The following ALG5 variants were observed in gnomAD, a reference collection of about 807,000 sequenced individuals.
ALG5 encodes dolichyl-phosphate beta-glucosyltransferase.
In ALG5, 26 loss-of-function variants were observed where a neutral mutation model predicts 51.8. The observed-to-expected ratio is 0.50, with a 90% confidence interval of 0.37 to 0.70. The LOEUF (loss-of-function observed/expected upper bound fraction) is 0.70, where lower values mean the gene tolerates loss of function less well. Ranked by LOEUF, ALG5 falls within the 30% of genes least tolerant of loss-of-function variation. The probability of loss-of-function intolerance (pLI) is 0.00; values close to 1 mark genes in which losing one functional copy is unlikely to be tolerated. For synonymous variants in ALG5, 141 were observed against 136.1 expected (o/e 1.04, Z -0.25); for missense variants, 311 against 399.3 (o/e 0.78, Z 1.88).
chr13:36,996,990 A>G (rs982931382), intron 1 of ALG5, among the ~76,000 whole-genome samples: 5 of 152,238 alleles, frequency 3.3e-5, no homozygotes, highest in Admixed American at 2.0e-4. Context: ...CACAAGAGAA[A>G]GGAAGAAGCA....
intron 6 of ALG5, among the ~76,000 whole-genome samples, chr13:36,976,316 A>T (rs1479171147): frequency 6.7e-6 from 1 of 149,690 alleles, no homozygotes; most frequent in African/African-American, 2.5e-5. Context: ...AATCCCAGCT[A>T]CTCAGGAGGC....
At position 36,949,868 on chromosome 13, in the gene ALG5, C is replaced by T. The variant is rs1001000911; in HGVS notation, c.*74G>A. 1.6e-5 allele frequency: 14 copies of T among 870,834 alleles called. No individual in the cohort carries two copies. The African/African-American group carries it at 2.2e-4, about 14-fold the overall frequency. 53.9% of individuals were successfully genotyped at this position (870,834 alleles called of 1,614,324 possible). A position where few individuals can be genotyped will look rare whatever the true frequency, so the allele number is the denominator to read the frequency against. On this transcript the variant is annotated 3_prime_UTR_variant, in exon 10 of 10. Transcript: ENST00000239891. The stretch of plus-strand genomic sequence containing the variant: ...TGACAAGAAGTTTATTTCAGCTTTA[C>T]TTAAAATTTTAGTTTCAAATGAAAT...
chr13:36,968,700 C>T (rs1008571661), intron 7 of ALG5, among the ~76,000 whole-genome samples: 3 of 152,200 alleles, frequency 2.0e-5, no homozygotes, highest in Non-Finnish European at 4.4e-5. Flanking sequence ...TTGTCATTTG[C>T]TATCTTGATT....
intron 8 of ALG5, among the ~76,000 whole-genome samples, chr13:36,955,380 G>A (rs1442538117): frequency 6.6e-6 from 1 of 152,000 alleles, no homozygotes; most frequent in Non-Finnish European, 1.5e-5. Flanking sequence ...AGAGGCAACA[G>A]AAACAATGCA....
intron 1 of ALG5, among the ~76,000 whole-genome samples, chr13:36,998,444 G>A (rs1405257169): frequency 1.3e-5 from 2 of 152,186 alleles, no homozygotes; most frequent in Non-Finnish European, 1.5e-5. Flanking sequence ...TGAATGTCAA[G>A]GAAGCTGAAA....
chr13:36,992,546 G>A (rs2059030247), intron 4 of ALG5, among the ~76,000 whole-genome samples: 1 of 152,200 alleles, frequency 6.6e-6, no homozygotes, highest in South Asian at 2.1e-4. Flanking sequence ...GCACAATGAA[G>A]CTTTACAGCA....
intron 9 of ALG5, 146 bp downstream of exon 9, chr13:36,952,368 C>T (rs1385522622): frequency 1.6e-6 from 1 of 619,960 alleles, no homozygotes; most frequent in African/African-American, 2.0e-5. Flanking sequence ...TTAGTAGGTA[C>T]TATTCTCCTT....
At position 36,981,083 on chromosome 13, in the gene ALG5, AC is replaced by A. The variant is rs775522436; in HGVS notation, c.561+4543del. Among the ~76,000 whole-genome samples the A allele has an allele frequency of 2.6e-5, 4 of 152,234 alleles. No individual in the cohort carries two copies. The East Asian group carries it at 7.7e-4, about 29-fold the overall frequency. On this transcript the variant is annotated intron_variant, in intron 6 of 9. Transcript: ENST00000239891. ...TTAAATTATATACATGTAGTTTAAA[AC>A]CTTACAGGAGCACTTATTATCAGAA...
chr13:36,969,901 A>G (rs2058913773), intron 7 of ALG5, among the ~76,000 whole-genome samples: 1 of 151,998 alleles, frequency 6.6e-6, no homozygotes, highest in African/African-American at 2.4e-5. Context: ...ACAACCTAAT[A>G]TTTCAGGTTT....
chr13:36,969,943 A>T (rs117086644), intron 7 of ALG5, among the ~76,000 whole-genome samples: 1 of 151,984 alleles, frequency 6.6e-6, no homozygotes, highest in Non-Finnish European at 1.5e-5. Context: ...CTCCATTATC[A>T]TCAGCTTTAC....
chr13:36,971,612 G>GCAC (rs1365298988), intron 7 of ALG5, among the ~76,000 whole-genome samples: 1 of 117,120 alleles, frequency 8.5e-6, no homozygotes, highest in Non-Finnish European at 1.6e-5. Flanking sequence ...TCGCACCACT[G>GCAC]CACTCCAGCC....
chr13:36,956,079 G>A (rs1228797827), intron 8 of ALG5, among the ~76,000 whole-genome samples: 2 of 152,050 alleles, frequency 1.3e-5, no homozygotes, highest in African/African-American at 2.4e-5. Context: ...CTATGGATTG[G>A]GAGAAAATAT....
intron 6 of ALG5, among the ~76,000 whole-genome samples, chr13:36,979,960 T>C (rs1325402896): frequency 6.6e-6 from 1 of 152,120 alleles, no homozygotes; most frequent in Non-Finnish European, 1.5e-5. Flanking sequence ...CACATGAGAT[T>C]TGCTTGAACC....
chr13:36,987,911 A>G (rs2059009066), intron 5 of ALG5, among the ~76,000 whole-genome samples: 1 of 152,172 alleles, frequency 6.6e-6, no homozygotes, highest in South Asian at 2.1e-4. Context: ...TAAAAAATGT[A>G]AAAGCCCCTC....
intron 4 of ALG5, among the ~76,000 whole-genome samples, chr13:36,993,126 G>C (rs1366506517): frequency 6.6e-6 from 1 of 152,168 alleles, no homozygotes; most frequent in Non-Finnish European, 1.5e-5. Flanking sequence ...GAGATGGCTT[G>C]TGTTCATAAC....
intron 5 of ALG5, among the ~76,000 whole-genome samples, chr13:36,988,856 A>G (rs918849730): frequency 1.3e-5 from 2 of 152,168 alleles, no homozygotes; most frequent in African/African-American, 4.8e-5. Context: ...GCCCACCTTT[A>G]GACTTCTTTT....
At chr13:36,982,488 G>T (rs2058984421) in intron 6 of ALG5, among the ~76,000 whole-genome samples, 1 of 152,216 alleles carries the variant, frequency 6.6e-6, no homozygotes, top group South Asian at 2.1e-4. Flanking sequence ...AATAAAGGAT[G>T]TATTTTATCT....
chr13:36,951,366 G>A lies in ALG5; in HGVS notation c.859+1148C>T, dbSNP rs925331926. Among the ~76,000 whole-genome samples, 16 of 152,150 alleles carry A rather than the reference G, an allele frequency of 1.1e-4. 1 individual carries two copies. Among genetic ancestry groups the A allele is most frequent in the African/African-American group, 3.9e-4 (16 of 41,438 alleles). ...AGCTAAGATTTTGTAAACTCAGTTT[G>A]ATTCAGCAAGATGTAAAGAGGTTTG... is the stretch of plus-strand genomic sequence containing the variant. On this transcript the variant is annotated intron_variant, in intron 9 of 9. Coordinates refer to ENST00000239891, the MANE Select transcript of ALG5 (RefSeq NM_013338.5).
intron 5 of ALG5, among the ~76,000 whole-genome samples, chr13:36,985,953 G>T (rs1467338625): frequency 1.3e-5 from 2 of 152,096 alleles, no homozygotes; most frequent in African/African-American, 4.8e-5. Context: ...AAAACTTTGT[G>T]AAGTCATACT....
Sources: gnomAD v4.1 joint callset for allele counts (sites outside exome capture counted in the v4.1 genomes callset) on GRCh38, gnomAD v4.1.1 for gene constraint, MANE v1.5 for transcripts, NCBI Gene and HGNC (gene_info 2026-07-23, HGNC 2026-07-21) for gene names.